The following SREBF2 variants were observed in gnomAD, a reference collection of about 807,000 sequenced individuals.
SREBF2 encodes sterol regulatory element-binding protein 2.
SREBF2 carries 55 observed loss-of-function variants against 113.1 expected under a neutral mutation model. The ratio of observed to expected loss-of-function variants is 0.49; its 90% CI spans 0.39 to 0.61. The LOEUF is 0.61. Ranked by LOEUF, SREBF2 falls within the 20% of genes least tolerant of loss-of-function variation. SREBF2 has a pLI of 0.00. For synonymous variants in SREBF2, 593 were observed against 605.7 expected, an observed-to-expected ratio of 0.98 and a Z score of 0.31; for missense variants, 1,349 against 1,487.4, an observed-to-expected ratio of 0.91 and a Z score of 1.53.
At chr22:41,835,825 G>A (rs2076769138) in intron 1 of SREBF2, among the ~76,000 whole-genome samples, 1 of 151,870 alleles carries the variant, frequency 6.6e-6, no homozygotes, top group Non-Finnish European at 1.5e-5. Context: ...CAGTCTCACT[G>A]TGTTGCCCAG....
chr22:41,862,653 C>T (rs1173688186), intron 1 of SREBF2, among the ~76,000 whole-genome samples: 3 of 152,306 alleles, frequency 2.0e-5, no homozygotes, highest in East Asian at 3.9e-4. Flanking sequence ...TAGGACATTC[C>T]CATGGGTGTA....
intron 11 of SREBF2, among the ~76,000 whole-genome samples, chr22:41,892,010 T>C (rs1320639248): frequency 6.6e-6 from 1 of 152,182 alleles, no homozygotes; most frequent in Non-Finnish European, 1.5e-5. Context: ...CTCTTTGAAT[T>C]GTCCCACAAA....
Position 41,899,246 on chromosome 22 carries a change from C to G in SREBF2, c.2738+465C>G, listed in dbSNP as rs713881. 0.24 allele frequency: 258,561 copies of G among 1,074,670 alleles called. 32,088 individuals are homozygous for G. The highest frequency in any genetic ancestry group is 0.41 in the East Asian group (5,769 of 14,170). 66.6% of individuals were successfully genotyped at this position (1,074,670 alleles called of 1,614,324 possible). A position where few individuals can be genotyped will look rare whatever the true frequency, so the allele number is the denominator to read the frequency against. ...TCCACTTTCCTTCCAGCCACCTCCA[C>G]CCCCACCATCAACCCTGGCAACTTT... On this transcript the variant is annotated intron_variant, in intron 15 of 18. Transcript: ENST00000361204.
In SREBF2 at chr22:41,866,943, T is replaced by TGGCAGC. The variant is rs2077083923; in HGVS notation, c.202_207dup (p.Gly68_Ser69dup). Reference sequence around the variant, plus strand: ...GTAGTGGTAGCAGCAGCGGCAGCAGTGGCAGCAGCAGCAGCAGCAGCAATG... The same window carrying TGGCAGC: ...GTAGTGGTAGCAGCAGCGGCAGCAGTGGCAGCGGCAGCAGCAGCAGCAGCAGCAATG... On this transcript the variant is annotated inframe_insertion, in exon 2 of 19. Coordinates refer to ENST00000361204, the MANE Select transcript of SREBF2 (RefSeq NM_004599.4). 1 of 1,613,408 alleles carries TGGCAGC rather than the reference T, an allele frequency of 6.2e-7. No homozygotes were observed. Among genetic ancestry groups the TGGCAGC allele is most frequent in the African/African-American group, 1.3e-5 (1 of 74,770 alleles).
intron 11 of SREBF2, among the ~76,000 whole-genome samples, chr22:41,887,759 A>G (rs971250938): frequency 2.0e-5 from 3 of 152,116 alleles, no homozygotes; most frequent in Admixed American, 6.5e-5. Context: ...CGTATTTCCA[A>G]ATTGTTGGCC....
chr22:41,836,931 G>A (rs2076781495), intron 1 of SREBF2, among the ~76,000 whole-genome samples: 1 of 152,146 alleles, frequency 6.6e-6, no homozygotes, highest in Admixed American at 6.5e-5. Context: ...CCAGTCCATT[G>A]GTACCCTTCA....
intron 4 of SREBF2, among the ~76,000 whole-genome samples, chr22:41,873,043 C>G (rs2077161323): frequency 6.6e-6 from 1 of 151,662 alleles, no homozygotes; most frequent in African/African-American, 2.4e-5. Context: ...ACTAAAAATA[C>G]AAAATTAGCC....
At chr22:41,851,742 G>A (rs560508981) in intron 1 of SREBF2, among the ~76,000 whole-genome samples, 9 of 151,552 alleles carry the variant, frequency 5.9e-5, no homozygotes, top group South Asian at 2.1e-4. Context: ...TGATCCACCC[G>A]CCTCGGCCTC....
intron 1 of SREBF2, among the ~76,000 whole-genome samples, chr22:41,851,742 G>T (rs560508981): frequency 6.6e-6 from 1 of 151,438 alleles, no homozygotes; most frequent in African/African-American, 2.4e-5. Context: ...TGATCCACCC[G>T]CCTCGGCCTC....
chr22:41,892,387 C>T (rs1258184885), intron 11 of SREBF2, among the ~76,000 whole-genome samples: 6 of 152,296 alleles, frequency 3.9e-5, no homozygotes, highest in South Asian at 2.1e-4. Context: ...CGGTGGCTCA[C>T]GCCTGTAATC....
At chr22:41,865,237 T>C (rs2077064386) in intron 1 of SREBF2, among the ~76,000 whole-genome samples, 1 of 152,064 alleles carries the variant, frequency 6.6e-6, no homozygotes, top group Non-Finnish European at 1.5e-5. Context: ...CTTTTATTTT[T>C]TTATAGTGGT....
chr22:41,898,508 G>A (rs557683333), intron 14 of SREBF2, 141 bp from the exon 15 acceptor site: 12 of 1,066,030 alleles, frequency 1.1e-5, no homozygotes, highest in Middle Eastern at 2.8e-4. Context: ...AATCCTGGGT[G>A]TGGGAGCCCA....
chr22:41,902,474 CTG>C (rs1000947289), intron 16 of SREBF2, among the ~76,000 whole-genome samples: 3 of 152,182 alleles, frequency 2.0e-5, no homozygotes, highest in African/African-American at 4.8e-5. Flanking sequence ...CTAAGGCACT[CTG>C]TGGTTCTGTC....
intron 15 of SREBF2, chr22:41,899,403 G>A (rs940611862): frequency 2.3e-5 from 23 of 1,003,890 alleles, no homozygotes; most frequent in Non-Finnish European, 2.6e-5. Flanking sequence ...CTGACTCCCC[G>A]GCTGTTTCTA....
chr22:41,877,530 A>T, intron 8 of SREBF2, 109 bp downstream of exon 8: 2 of 1,296,442 alleles, frequency 1.5e-6, no homozygotes, highest in Non-Finnish European at 2.2e-6. Context: ...AAGGGCTTTT[A>T]TAGTGGGCCC....
At chr22:41,885,494 G>A (rs2077291049) in intron 11 of SREBF2, 1 of 192,718 alleles carries the variant, frequency 5.2e-6, no homozygotes, top group African/African-American at 2.3e-5. Context: ...TTAAAGAAAA[G>A]AAAAATGAAA....
Position 41,905,510 on chromosome 22 carries a change from C to G in SREBF2, c.3276C>G (p.Pro1092=). The G allele has an allele frequency of 6.3e-7, 1 of 1,582,104 alleles. No homozygotes were observed. Among genetic ancestry groups the G allele is most frequent in the Non-Finnish European group, 8.6e-7 (1 of 1,164,542 alleles). ...TCCTGCTGGCCTGCCGCCACCTGCC[C>G]CTCTCCTTCCTCTCCTCCCCGGGCC... The part of the protein sequence containing the change: ...TAILLACRHL[P]LSFLSSPGQR... Residue 1092 remains proline, a synonymous_variant, in exon 19 of 19, where the codon CCC becomes CCG. Transcript: ENST00000361204.
chr22:41,845,594 A>G (rs930874162), intron 1 of SREBF2, among the ~76,000 whole-genome samples: 12 of 152,356 alleles, frequency 7.9e-5, no homozygotes, highest in Admixed American at 1.3e-4. Flanking sequence ...TACATGGGAA[A>G]ATACAACAGA....
chr22:41,893,894 T>G (rs2077386987), intron 12 of SREBF2, among the ~76,000 whole-genome samples: 1 of 152,174 alleles, frequency 6.6e-6, no homozygotes, highest in Non-Finnish European at 1.5e-5. Context: ...GCTGTCTGCT[T>G]TCTGCTGTAC....
Sources: allele counts gnomAD v4.1 joint callset (sites outside exome capture counted in the v4.1 genomes callset), GRCh38; gene constraint gnomAD v4.1.1; transcripts MANE v1.5; gene names NCBI Gene and HGNC (gene_info 2026-07-23, HGNC 2026-07-21).